The following TIAM1 variants were observed in gnomAD, a reference collection of about 807,000 sequenced individuals.
TIAM1 encodes TIAM Rac1 associated GEF 1, also known as rho guanine nucleotide exchange factor TIAM1.
Under a neutral mutation model 163.5 loss-of-function variants are expected in TIAM1, and 65 were observed. The ratio of observed to expected loss-of-function variants is 0.40; its 90% CI spans 0.33 to 0.49. The LOEUF is 0.49. Among genes scored for constraint, TIAM1 ranks in the 20% least tolerant of loss-of-function variants. TIAM1 has a pLI of 0.77. For missense variants in TIAM1, 1,789 were observed against 2,044.7 expected, an observed-to-expected ratio of 0.87 and a Z score of 2.41; for synonymous variants, 833 against 810.1, an observed-to-expected ratio of 1.03 and a Z score of -0.48.
chr21:31,153,712 CATATAT>C (rs10547949), intron 17 of TIAM1, among the ~76,000 whole-genome samples: 14 of 150,288 alleles, frequency 9.3e-5, no homozygotes, highest in South Asian at 2.1e-4. Flanking sequence ...ACAACACATA[CATATAT>C]ATATATATAT....
intron 2 of TIAM1, among the ~76,000 whole-genome samples, chr21:31,409,457 C>G (rs968549015): frequency 1.3e-5 from 2 of 152,186 alleles, no homozygotes; most frequent in Admixed American, 1.3e-4. Context: ...AGTTTTCTCA[C>G]AGACTGCCCC....
At chr21:31,373,730 T>C (rs577689650) in intron 2 of TIAM1, among the ~76,000 whole-genome samples, 43 of 152,096 alleles carry the variant, frequency 2.8e-4, no homozygotes, top group Non-Finnish European at 5.0e-4. Context: ...TTCAGAGAGA[T>C]GCTGAGTTAA....
At chr21:31,468,516 G>C (rs8134870) in intron 1 of TIAM1, among the ~76,000 whole-genome samples, 107,556 of 151,436 alleles carry the variant, frequency 0.71, 38,971 homozygotes, top group African/African-American at 0.81. Context: ...GTGACTCAGG[G>C]CTGTAATCCC....
intron 23 of TIAM1, among the ~76,000 whole-genome samples, chr21:31,134,850 G>A (rs2146251732): frequency 6.6e-6 from 1 of 152,216 alleles, no homozygotes; most frequent in African/African-American, 2.4e-5. Context: ...AACAGCTACA[G>A]GGGCTCTTTG....
chr21:31,154,390 G>A lies in TIAM1; in HGVS notation c.3028C>T (p.His1010Tyr). 6.2e-7 allele frequency: 1 copy of A among 1,614,086 alleles called. No individual in the cohort carries two copies. The highest frequency in any genetic ancestry group is 8.5e-7 in the Non-Finnish European group (1 of 1,180,012). Residue 1010 changes from histidine (H) to tyrosine (Y), a missense_variant, in exon 17 of 28, where the codon CAT (histidine) becomes TAT (tyrosine). By Grantham distance (83) the His-to-Tyr change is moderately conservative. Coordinates refer to ENST00000541036, the MANE Select transcript of TIAM1 (RefSeq NM_001353694.2). ...EQVAAFCRSL[H>Y]EMNPSDQSPS... ...CTCTGGTCAGAGGGGTTCATCTCAT[G>A]CAAACTGCGGCAAAATGCGGCCACC... is the stretch of plus-strand genomic sequence containing the variant.
intron 2 of TIAM1, among the ~76,000 whole-genome samples, chr21:31,426,691 G>GA (rs577630217): frequency 2.0e-3 from 308 of 152,152 alleles, no homozygotes; most frequent in African/African-American, 7.1e-3. Context: ...TCATAGCACG[G>GA]TTTTTTTCAA....
chr21:31,203,736 A>G (rs1393611185), intron 11 of TIAM1, among the ~76,000 whole-genome samples: 1 of 152,278 alleles, frequency 6.6e-6, no homozygotes, highest in East Asian at 1.9e-4. Context: ...ACAATGAGAG[A>G]AAAAAGCTGT....
At chr21:31,540,133 C>T (rs2048274407) in intron 1 of TIAM1, among the ~76,000 whole-genome samples, 1 of 152,128 alleles carries the variant, frequency 6.6e-6, no homozygotes, top group Non-Finnish European at 1.5e-5. Flanking sequence ...CGCCTATAAT[C>T]CCAGCACTTT....
intron 2 of TIAM1, among the ~76,000 whole-genome samples, chr21:31,286,085 T>C (rs373217878): frequency 6.6e-6 from 1 of 152,164 alleles, no homozygotes; most frequent in South Asian, 2.1e-4. Flanking sequence ...AGTTTCCATA[T>C]GTAAAAAGTG....
chr21:31,171,103 T>G (rs1184265904), intron 15 of TIAM1, among the ~76,000 whole-genome samples: 2 of 150,138 alleles, frequency 1.3e-5, no homozygotes, highest in African/African-American at 4.9e-5. Context: ...ATACAGCAGT[T>G]ATGCCATTGC....
Position 31,210,027 on chromosome 21 carries a change from C to A in TIAM1, c.2388+18G>T, listed in dbSNP as rs569167078. The stretch of plus-strand genomic sequence containing the variant: ...CATTCTGCTCTTCTTGGAGAAACAA[C>A]CCAAAGCAGCTCCATACCTTGCAAA... On this transcript the variant is annotated intron_variant, in intron 11 of 27. Transcript: ENST00000541036. The A allele has an allele frequency of 6.2e-6, 10 of 1,607,706 alleles. No individual in the cohort carries two copies. In the African/African-American group the frequency reaches 1.2e-4, roughly 19 times the overall value.
At chr21:31,367,075 T>G (rs773286808) in intron 2 of TIAM1, among the ~76,000 whole-genome samples, 1 of 150,030 alleles carries the variant, frequency 6.7e-6, no homozygotes, top group Non-Finnish European at 1.5e-5. Flanking sequence ...GAAACATAAT[T>G]GCAATCCCAG....
At chr21:31,145,682 A>G (rs186741344) in intron 20 of TIAM1, among the ~76,000 whole-genome samples, 82 of 152,348 alleles carry the variant, frequency 5.4e-4, no homozygotes, top group African/African-American at 1.8e-3. Context: ...AGCAGTTTTC[A>G]AGGATAACTG....
intron 2 of TIAM1, among the ~76,000 whole-genome samples, chr21:31,404,083 G>A (rs890168731): frequency 6.6e-6 from 1 of 152,136 alleles, no homozygotes; most frequent in Non-Finnish European, 1.5e-5. Flanking sequence ...AGTCTTATCA[G>A]TCCATACCTT....
At chr21:31,167,030 A>G (rs904682633) in intron 15 of TIAM1, among the ~76,000 whole-genome samples, 1 of 151,840 alleles carries the variant, frequency 6.6e-6, no homozygotes, top group African/African-American at 2.4e-5. Flanking sequence ...CCCATCGCTC[A>G]CAATGCCTAG....
chr21:31,217,760 T>C, intron 8 of TIAM1, 61 bp from the exon 9 acceptor site: 13 of 1,575,184 alleles, frequency 8.3e-6, no homozygotes, highest in Middle Eastern at 1.8e-4. Flanking sequence ...CACTTGTGCC[T>C]TGAGGTCCCC....
At chr21:31,399,055 A>T (rs2077121368) in intron 2 of TIAM1, among the ~76,000 whole-genome samples, 1 of 152,180 alleles carries the variant, frequency 6.6e-6, no homozygotes, top group Admixed American at 6.5e-5. Flanking sequence ...AAATAAAAAT[A>T]GCCTTTGCCA....
intron 20 of TIAM1, among the ~76,000 whole-genome samples, chr21:31,145,123 C>T (rs1218245703): frequency 1.3e-5 from 2 of 152,054 alleles, no homozygotes; most frequent in African/African-American, 4.8e-5. Context: ...ACACACAGAG[C>T]CATATGCCCA....
At chr21:31,278,930 G>C (rs2073422667) in intron 2 of TIAM1, among the ~76,000 whole-genome samples, 1 of 152,104 alleles carries the variant, frequency 6.6e-6, no homozygotes, top group Admixed American at 6.5e-5. Context: ...TGCTGAAATG[G>C]ACTCATTACG....
Sources: allele counts gnomAD v4.1 joint callset (sites outside exome capture counted in the v4.1 genomes callset), GRCh38; gene constraint gnomAD v4.1.1; transcripts MANE v1.5; gene names NCBI Gene and HGNC (gene_info 2026-07-23, HGNC 2026-07-21).